Variants in CFAP47 observed in about 807,000 individuals in gnomAD.
The protein encoded by CFAP47 is cilia- and flagella-associated protein 47.
A neutral mutation model predicts 148.1 loss-of-function variants in CFAP47; 29 were observed. The observed-to-expected ratio is 0.20, with a 90% CI of 0.15 to 0.27. CFAP47 has a LOEUF of 0.27. CFAP47 is among the 10% of genes least tolerant of loss of function. The pLI is 1.00. For synonymous variants in CFAP47, 664 were observed against 577.3 expected (o/e 1.15, Z -2.15); for missense variants, 1,872 against 1,697.5 (o/e 1.10, Z -1.81).
intron 2 of CFAP47, among the ~76,000 whole-genome samples, chrX:35,931,704 T>C (rs2146620499): frequency 9.0e-6 from 1 of 111,697 alleles, no homozygotes; most frequent in East Asian, 2.8e-4. Context: ...ATAATTATTG[T>C]AGTGGTTTTT....
intron 59 of CFAP47, 67 bp downstream of exon 59, chrX:36,350,199 CT>C: frequency 5.3e-6 from 4 of 748,026 alleles, no homozygotes; most frequent in South Asian, 5.1e-5. Context: ...CTATTCCCAT[CT>C]TTTTTGTTTG....
In CFAP47 at chrX:36,184,732, G is replaced by C. The variant is rs191698236; in HGVS notation, c.6105-3888G>C. On this transcript the variant is annotated intron_variant, in intron 40 of 63. Coordinates refer to ENST00000378653, the MANE Select transcript of CFAP47 (RefSeq NM_001304548.2). Reference sequence around the variant, plus strand: ...GAGGATCACCTGAGGTCGGGAGTTCGAGACCAGCCTGACCAATATGGTGAC... The same window carrying C: ...GAGGATCACCTGAGGTCGGGAGTTCCAGACCAGCCTGACCAATATGGTGAC... Among the ~76,000 whole-genome samples, 17 of 111,646 alleles carry C rather than the reference G, an allele frequency of 1.5e-4. No homozygotes were observed. In the East Asian group the frequency reaches 4.5e-3, roughly 30 times the overall value.
intron 21 of CFAP47, among the ~76,000 whole-genome samples, chrX:36,002,659 C>A (rs1290113772): frequency 3.6e-5 from 4 of 111,521 alleles, no homozygotes; most frequent in African/African-American, 1.3e-4. Flanking sequence ...AATCAAACTT[C>A]TATGTGGCAA....
chrX:36,244,411 A>G lies in CFAP47; in HGVS notation c.7333-6922A>G, dbSNP rs186656334. On this transcript the variant is annotated intron_variant, in intron 48 of 63. Transcript: ENST00000378653. ...GAGAAGAACTAAATGATACTGAGAC[A>G]CATAAATCCATACAAAGGATCAATA... Among the ~76,000 whole-genome samples the G allele has an allele frequency of 4.8e-4, 53 of 111,532 alleles. No homozygotes were observed. The East Asian group carries it at 0.015, about 31-fold the overall frequency.
At chrX:36,170,857 C>T (rs1409928188) in intron 39 of CFAP47, among the ~76,000 whole-genome samples, 1 of 107,684 alleles carries the variant, frequency 9.3e-6, no homozygotes, top group Non-Finnish European at 1.9e-5. Flanking sequence ...TTCTAGATCC[C>T]TGAGGAATCG....
At chrX:36,273,593 T>C (rs1276908673) in intron 49 of CFAP47, among the ~76,000 whole-genome samples, 1 of 111,796 alleles carries the variant, frequency 8.9e-6, no homozygotes, top group African/African-American at 3.2e-5. Flanking sequence ...AAACCAAGTT[T>C]TATATTTATT....
At chrX:35,936,909 C>T (rs773139134) in intron 2 of CFAP47, among the ~76,000 whole-genome samples, 8 of 108,246 alleles carry the variant, frequency 7.4e-5, no homozygotes, top group Non-Finnish European at 1.1e-4. Flanking sequence ...CAAGTACCCC[C>T]TTGGCTGCCC....
At chrX:36,040,894 C>T (rs973683529) in intron 25 of CFAP47, among the ~76,000 whole-genome samples, 7 of 111,333 alleles carry the variant, frequency 6.3e-5, no homozygotes, top group Admixed American at 1.9e-4. Context: ...AGAATTAGGC[C>T]GGCATCATTG....
intron 35 of CFAP47, among the ~76,000 whole-genome samples, chrX:36,138,772 A>G (rs745932890): frequency 9.1e-6 from 1 of 110,282 alleles, no homozygotes; most frequent in African/African-American, 3.4e-5. Flanking sequence ...AATGAACTAA[A>G]AGAGCATATT....
chrX:36,130,198 A>G (rs1938921310), intron 33 of CFAP47, among the ~76,000 whole-genome samples: 1 of 111,516 alleles, frequency 9.0e-6, no homozygotes, highest in Non-Finnish European at 1.9e-5. Context: ...TGACCAGAAT[A>G]TATAAGGAGC....
chrX:36,292,296 C>T (rs1221263618), intron 51 of CFAP47, among the ~76,000 whole-genome samples: 2 of 111,455 alleles, frequency 1.8e-5, no homozygotes, highest in African/African-American at 6.5e-5. Flanking sequence ...TAGCTGTCTA[C>T]GTGGTTTATG....
chrX:36,327,710 A>G (rs191217515), intron 57 of CFAP47, among the ~76,000 whole-genome samples: 18 of 112,213 alleles, frequency 1.6e-4, no homozygotes, highest in African/African-American at 5.8e-4. Flanking sequence ...AAGATATGCA[A>G]TCAATCTAGG....
chrX:36,144,774 A>G (rs775332873), intron 35 of CFAP47: 2 of 1,026,152 alleles, frequency 1.9e-6, no homozygotes, highest in Non-Finnish European at 1.3e-6. Flanking sequence ...TTGGAGCAGG[A>G]TGCATTTTTT....
rs142577069 is a variant in CFAP47, at chrX:36,233,202, G to A, written c.7015-2732G>A. 1.3e-3 allele frequency among the ~76,000 whole-genome samples: 140 copies of A among 111,329 alleles called. 1 individual carries two copies. In the East Asian group the frequency reaches 0.035, roughly 28 times the overall value. ...CTTCTGTCTCGTAGATCTGTCTAAT[G>A]TTGAGAGTGGGGTGTTAAAGTCTCC... is the stretch of plus-strand genomic sequence containing the variant. On this transcript the variant is annotated intron_variant, in intron 46 of 63. Transcript: ENST00000378653.
Position 36,236,859 on chromosome X carries a change from G to A in CFAP47, c.7332G>A (p.Lys2444=). 3 of 441,111 alleles carry A rather than the reference G, an allele frequency of 6.8e-6. No homozygotes were observed. Among genetic ancestry groups the A allele is most frequent in the Non-Finnish European group, 1.2e-5 (3 of 247,624 alleles). 36.4% of individuals were successfully genotyped at this position (441,111 alleles called of 1,213,427 possible). ...PHFTNTALTF[K]VTADLPIVWG... is the part of the protein sequence containing the mutation. ...TCACAAATACTGCCCTAACATTTAA[G>A]GTAAGAATTTATTTTTAGTGTGAAA... The change falls in exon 48 of 64, where the codon AAG becomes AAA. Residue 2444 remains lysine, a splice_region_variant and synonymous_variant. Transcript: ENST00000378653.
At chrX:36,108,962 C>T (rs1164264547) in intron 33 of CFAP47, among the ~76,000 whole-genome samples, 1 of 110,782 alleles carries the variant, frequency 9.0e-6, no homozygotes, top group Non-Finnish European at 1.9e-5. Context: ...CCATCCTCCA[C>T]CCTCCTGTAG....
At chrX:36,119,919 CT>C (rs760204463) in intron 33 of CFAP47, among the ~76,000 whole-genome samples, 1 of 109,548 alleles carries the variant, frequency 9.1e-6, no homozygotes, top group African/African-American at 3.3e-5. Context: ...TTTTTCATCT[CT>C]TCTTTCTTTC....
intron 22 of CFAP47, among the ~76,000 whole-genome samples, chrX:36,023,816 T>C (rs1412643089): frequency 1.8e-5 from 2 of 111,658 alleles, no homozygotes; most frequent in Admixed American, 9.4e-5. Flanking sequence ...AGTCAGCTTG[T>C]GGTGAATGCT....
intron 49 of CFAP47, among the ~76,000 whole-genome samples, chrX:36,278,697 G>A (rs890824295): frequency 4.5e-5 from 5 of 112,145 alleles, no homozygotes; most frequent in Admixed American, 9.4e-5. Flanking sequence ...GCTGCAGACC[G>A]GAGCTGTTCC....
Sources: gnomAD v4.1 joint callset for allele counts (sites outside exome capture counted in the v4.1 genomes callset) on GRCh38, gnomAD v4.1.1 for gene constraint, MANE v1.5 for transcripts, NCBI Gene and HGNC (gene_info 2026-07-23, HGNC 2026-07-21) for gene names.